Variants in MPP4 observed in about 807,000 individuals in gnomAD.
The protein encoded by MPP4 is MAGUK p55 subfamily member 4.
A neutral mutation model predicts 98.3 loss-of-function variants in MPP4; 91 were observed. The observed-to-expected ratio is 0.93, with a 90% CI of 0.78 to 1.10. MPP4 has a LOEUF of 1.10. Among genes scored for constraint, MPP4 ranks in the 50% least tolerant of loss-of-function variants. MPP4 has a pLI of 0.00. For missense variants in MPP4, 744 were observed against 792.9 expected, an observed-to-expected ratio of 0.94 and a Z score of 0.74; for synonymous variants, 261 against 271.8, an observed-to-expected ratio of 0.96 and a Z score of 0.39.
intron 18 of MPP4, chr2:201,651,806 T>C (rs1017516594): frequency 1.4e-5 from 5 of 353,958 alleles, no homozygotes; most frequent in African/African-American, 2.2e-5. Context: ...ATACAAAAAT[T>C]AGCTAGGCAT....
At position 201,680,840 on chromosome 2, in the gene MPP4, C is replaced by T; in HGVS notation, c.927G>A (p.Lys309=). ...CCAGGAGTGGTGACGTTCCTTACCT[C>T]TTCAGAAGGTGGTTAGAAGGGACAA... ...AGLVPSNHLL[K]RKQREFWWSQ... is the part of the protein sequence containing the mutation. Residue 309 remains lysine, a splice_region_variant and synonymous_variant, in exon 10 of 22, where the codon AAG becomes AAA. Coordinates refer to ENST00000409474, the MANE Select transcript of MPP4 (RefSeq NM_033066.3). 2 of 1,611,382 alleles carry T rather than the reference C, an allele frequency of 1.2e-6. No homozygotes were observed. The highest frequency in any genetic ancestry group is 2.2e-5 in the South Asian group (2 of 90,546).
intron 10 of MPP4, among the ~76,000 whole-genome samples, chr2:201,678,733 T>C (rs552656482): frequency 1.3e-5 from 2 of 151,726 alleles, no homozygotes; most frequent in South Asian, 4.2e-4. Context: ...AGGTGGGGGG[T>C]GTGTCCTTGC....
At chr2:201,650,736 T>C (rs1239222816) in intron 18 of MPP4, 1 of 985,278 alleles carries the variant, frequency 1.0e-6, no homozygotes, top group African/African-American at 1.7e-5. Flanking sequence ...AAATTTGAAA[T>C]GGAGAAAGCC....
chr2:201,664,758 C>T (rs1688124885), intron 13 of MPP4, among the ~76,000 whole-genome samples: 1 of 152,124 alleles, frequency 6.6e-6, no homozygotes, highest in Non-Finnish European at 1.5e-5. Flanking sequence ...TATTCTCATG[C>T]ATGTAAAATG....
chr2:201,671,176 T>G (rs1688331590), intron 11 of MPP4, among the ~76,000 whole-genome samples: 1 of 151,868 alleles, frequency 6.6e-6, no homozygotes, highest in African/African-American at 2.4e-5. Context: ...TTGTTTGTTT[T>G]TTTTCATACC....
chr2:201,696,437 G>A (rs890707016), intron 1 of MPP4, among the ~76,000 whole-genome samples: 2 of 152,172 alleles, frequency 1.3e-5, no homozygotes, highest in Admixed American at 6.5e-5. Flanking sequence ...AGACAGATGA[G>A]GCTGACACTC....
intron 12 of MPP4, among the ~76,000 whole-genome samples, chr2:201,668,682 C>T (rs1688251730): frequency 6.6e-6 from 1 of 152,118 alleles, no homozygotes; most frequent in Non-Finnish European, 1.5e-5. Context: ...TTGTTTAAGC[C>T]ACTTAGTCTG....
intron 16 of MPP4, among the ~76,000 whole-genome samples, chr2:201,658,053 T>G (rs1454288040): frequency 6.6e-6 from 1 of 151,756 alleles, no homozygotes; most frequent in African/African-American, 2.4e-5. Flanking sequence ...GCTCTGCTAG[T>G]TTTCCCCTGC....
intron 11 of MPP4, among the ~76,000 whole-genome samples, chr2:201,673,278 A>C (rs1399022557): frequency 1.3e-5 from 2 of 152,234 alleles, no homozygotes; most frequent in African/African-American, 4.8e-5. Context: ...ATGGGAATGG[A>C]TGAAGCTGGA....
intron 4 of MPP4, among the ~76,000 whole-genome samples, chr2:201,689,210 A>G (rs1405046253): frequency 6.6e-6 from 1 of 152,248 alleles, no homozygotes. Flanking sequence ...CTGTTGTCCT[A>G]GCAACTCAGG....
In MPP4 at chr2:201,675,208, T is replaced by C; in HGVS notation, c.993A>G (p.Leu331=). ...CTGTCGGGCAGTTGCAATACTCACA[T>C]AGGGTTGACTTGAGGCAGGTGTGAG... ...YQPHTCLKST[L]SISMEEEDDM... Residue 331 remains leucine (L), a splice_region_variant and synonymous_variant, in exon 11 of 22, where the codon CTA becomes CTG. Transcript: ENST00000409474. 14 of 1,607,082 alleles carry C rather than the reference T, an allele frequency of 8.7e-6. No individual in the cohort carries two copies. The highest frequency in any genetic ancestry group is 1.1e-5 in the Non-Finnish European group (13 of 1,176,920).
At chr2:201,651,448 C>A in intron 18 of MPP4, 1 of 985,396 alleles carries the variant, frequency 1.0e-6, no homozygotes, top group Non-Finnish European at 1.2e-6. Context: ...GATGACTCCT[C>A]CTTTGCTTCC....
intron 12 of MPP4, 164 bp from the exon 13 acceptor site, chr2:201,666,536 C>T: frequency 1.9e-6 from 1 of 520,836 alleles, no homozygotes; most frequent in Admixed American, 4.0e-5. Flanking sequence ...ACTTGACCGA[C>T]ATGGTGAAAC....
At chr2:201,681,123 C>A in intron 9 of MPP4, 89 bp from the exon 10 acceptor site, 1 of 1,310,404 alleles carries the variant, frequency 7.6e-7, no homozygotes, top group Non-Finnish European at 1.1e-6. Flanking sequence ...TGACTTAAAA[C>A]CATTTCTCCC....
intron 17 of MPP4, 145 bp from the exon 18 acceptor site, chr2:201,655,062 G>A: frequency 3.4e-6 from 2 of 582,956 alleles, no homozygotes. Flanking sequence ...CTCATAAATT[G>A]GAAGAACCCC....
chr2:201,663,955 C>T (rs918837470), intron 14 of MPP4, 126 bp downstream of exon 14: 7 of 530,202 alleles, frequency 1.3e-5, no homozygotes, highest in South Asian at 7.6e-5. Flanking sequence ...GTGGGATACA[C>T]GCAGTTACTT....
At chr2:201,664,450 G>T in intron 13 of MPP4, 2 of 1,050,414 alleles carry the variant, frequency 1.9e-6, no homozygotes, top group Non-Finnish European at 2.5e-6. Flanking sequence ...GATACTGCTC[G>T]GCTTTGCTGC....
chr2:201,689,381 T>C (rs562919068), intron 4 of MPP4, among the ~76,000 whole-genome samples: 1 of 152,022 alleles, frequency 6.6e-6, no homozygotes, highest in South Asian at 2.1e-4. Context: ...AGATGGGAAG[T>C]CATTTGAAGG....
At chr2:201,671,193 G>A (rs575769079) in intron 11 of MPP4, among the ~76,000 whole-genome samples, 1 of 152,214 alleles carries the variant, frequency 6.6e-6, no homozygotes, top group Non-Finnish European at 1.5e-5. Flanking sequence ...TACCCCAGTG[G>A]CGCCTGGAAT....
Sources: gnomAD v4.1 joint callset for allele counts (sites outside exome capture counted in the v4.1 genomes callset) on GRCh38, gnomAD v4.1.1 for gene constraint, MANE v1.5 for transcripts, NCBI Gene and HGNC (gene_info 2026-07-23, HGNC 2026-07-21) for gene names.